The following ATP6V1E2 variants were observed in gnomAD, a reference collection of about 807,000 sequenced individuals.
ATP6V1E2 encodes V-type proton ATPase subunit E 2.
For synonymous variants in ATP6V1E2, 121 were observed against 104.2 expected (o/e 1.16, Z -0.98); for missense variants, 308 against 273.3 (o/e 1.13, Z -0.90).
intron 4 of ATP6V1E2, among the ~76,000 whole-genome samples, chr2:46,517,813 T>C (rs1370308299): frequency 1.3e-5 from 2 of 152,168 alleles, no homozygotes; most frequent in African/African-American, 4.8e-5. Flanking sequence ...CCTGACAGGA[T>C]GGTCATTATT....
intron 2 of ATP6V1E2, among the ~76,000 whole-genome samples, chr2:46,538,688 C>A (rs1208065056): frequency 6.6e-6 from 1 of 151,994 alleles, no homozygotes. Flanking sequence ...TGCACTTTAG[C>A]TATATTTCCT....
Position 46,535,310 on chromosome 2 carries a change from A to G in ATP6V1E2, c.-102+503T>C, listed in dbSNP as rs1667391597. On this transcript the variant is annotated intron_variant, in intron 4 of 4. Transcript: ENST00000522587. The surrounding 1 kb of genome is among the most constrained non-coding windows in gnomAD (Gnocchi z 4.4). ...AGAGGTGGAAATCTCTACTCCCTCTACATGAAGCACATTAATAAAGTGATC... is the reference window on the plus strand; with the variant it reads ...AGAGGTGGAAATCTCTACTCCCTCTGCATGAAGCACATTAATAAAGTGATC... The G allele has an allele frequency of 6.6e-6, 1 of 152,190 alleles. No individual in the cohort carries two copies. Among genetic ancestry groups the G allele is most frequent in the African/African-American group, 2.4e-5 (1 of 41,436 alleles). 9.4% of individuals were successfully genotyped at this position (152,190 alleles called of 1,614,324 possible). A position where few individuals can be genotyped will look rare whatever the true frequency, so the allele number is the denominator to read the frequency against.
At position 46,512,514 on chromosome 2, in the gene ATP6V1E2, C is replaced by T; in HGVS notation, c.198G>A (p.Gln66=). Residue 66 remains glutamine, a synonymous_variant, in exon 5 of 5, where the codon CAG becomes CAA. Coordinates refer to ENST00000522587, the MANE Select transcript of ATP6V1E2 (RefSeq NM_001318063.2). ...YYEKKEKQIE[Q]QKKILMSTMR... is the part of the protein sequence containing the mutation. Reference sequence around the variant, plus strand: ...TGGTGGACATCAGGATTTTCTTCTGCTGCTCTATCTGCTTCTCCTTTTTCT... The same window carrying T: ...TGGTGGACATCAGGATTTTCTTCTGTTGCTCTATCTGCTTCTCCTTTTTCT... The T allele has an allele frequency of 6.2e-7, 1 of 1,614,208 alleles. No homozygotes were observed. The highest frequency in any genetic ancestry group is 1.1e-5 in the South Asian group (1 of 91,088).
At chr2:46,526,320 A>G (rs574958520) in intron 4 of ATP6V1E2, among the ~76,000 whole-genome samples, 1 of 152,170 alleles carries the variant, frequency 6.6e-6, no homozygotes, top group South Asian at 2.1e-4. Flanking sequence ...TCACCATGTT[A>G]GCCAGACTGG....
At chr2:46,536,908 G>A (rs1267299687) in intron 2 of ATP6V1E2, among the ~76,000 whole-genome samples, 4 of 151,750 alleles carry the variant, frequency 2.6e-5, no homozygotes, top group South Asian at 2.1e-4. Context: ...TCAGCCTCCC[G>A]AGTAGCTGGG....
rs148464682 is a variant in ATP6V1E2, at chr2:46,516,046, CA to C, written c.-101-3235del. ...TATATGAAGCAAGCATTGACAGAACCAAAGGAAGAAATAGACAGCAATACAA... is the reference window on the plus strand; with the variant it reads ...TATATGAAGCAAGCATTGACAGAACCAAGGAAGAAATAGACAGCAATACAA... On this transcript the variant is annotated intron_variant, in intron 4 of 4. Coordinates refer to ENST00000522587, the MANE Select transcript of ATP6V1E2 (RefSeq NM_001318063.2). Among the ~76,000 whole-genome samples the C allele has an allele frequency of 7.9e-4, 120 of 152,170 alleles. 4 individuals carry two copies. In the East Asian group the frequency reaches 0.016, roughly 20 times the overall value.
intron 4 of ATP6V1E2, among the ~76,000 whole-genome samples, chr2:46,514,045 C>T (rs1403514419): frequency 6.6e-6 from 1 of 151,828 alleles, no homozygotes; most frequent in Non-Finnish European, 1.5e-5. Context: ...TTTGGGAGGC[C>T]GAGGTGGGTG....
Position 46,512,144 on chromosome 2 carries a change from T to C in ATP6V1E2, c.568A>G (p.Ile190Val), listed in dbSNP as rs1246988314. 1 of 1,614,206 alleles carries C rather than the reference T, an allele frequency of 6.2e-7. No homozygotes were observed. Among genetic ancestry groups the C allele is most frequent in the African/African-American group, 1.3e-5 (1 of 75,050 alleles). Residue 190 changes from isoleucine to valine, a missense_variant, in exon 5 of 5, where the codon ATA (isoleucine) becomes GTA (valine). By Grantham distance (29) the Ile-to-Val change is conservative (BLOSUM62 3). Transcript: ENST00000522587. The part of the protein sequence containing the change: ...GVEVYSGNQR[I>V]KVSNTLESRL... ...CTTTCCAAGGTATTTGAAACCTTTATTCTCTGATTGCCACTGTAGACCTCC... is the reference window on the plus strand; with the variant it reads ...CTTTCCAAGGTATTTGAAACCTTTACTCTCTGATTGCCACTGTAGACCTCC...
Position 46,530,862 on chromosome 2 carries a change from G to A in ATP6V1E2, c.-102+4951C>T, listed in dbSNP as rs889598510. On this transcript the variant is annotated intron_variant, in intron 4 of 4. Transcript: ENST00000522587. The surrounding 1 kb of genome is among the most constrained non-coding windows in gnomAD (Gnocchi z 5.2). The stretch of plus-strand genomic sequence containing the variant: ...CAGATCTCATGAGACTTATTCACTA[G>A]CGCAAGAACAGCACAGGAAAAACCC... Among the ~76,000 whole-genome samples the A allele has an allele frequency of 6.6e-5, 10 of 152,256 alleles. No homozygotes were observed. Among genetic ancestry groups the A allele is most frequent in the African/African-American group, 2.4e-4 (10 of 41,536 alleles).
chr2:46,526,925 C>T (rs1666950800), intron 4 of ATP6V1E2, among the ~76,000 whole-genome samples: 1 of 152,196 alleles, frequency 6.6e-6, no homozygotes, highest in South Asian at 2.1e-4. Context: ...TATAGTAGTT[C>T]TAAGCTCAGT....
intron 3 of ATP6V1E2, among the ~76,000 whole-genome samples, 167 bp downstream of exon 3, chr2:46,536,443 TA>T (rs1406178675): frequency 4.6e-5 from 7 of 151,992 alleles, no homozygotes; most frequent in African/African-American, 7.3e-5. Context: ...AAAATAGGGA[TA>T]GGGGTAGGTA....
At chr2:46,524,845 AG>A (rs1378855176) in intron 4 of ATP6V1E2, among the ~76,000 whole-genome samples, 1 of 152,214 alleles carries the variant, frequency 6.6e-6, no homozygotes, top group African/African-American at 2.4e-5. Context: ...GACAATGTCT[AG>A]AAAGACACTG....
intron 4 of ATP6V1E2, among the ~76,000 whole-genome samples, chr2:46,513,564 G>A (rs557261642): frequency 1.9e-3 from 288 of 152,260 alleles, no homozygotes; most frequent in Non-Finnish European, 3.2e-3. Flanking sequence ...AGTGGCTCAC[G>A]CCTGTAATCC....
intron 4 of ATP6V1E2, among the ~76,000 whole-genome samples, chr2:46,526,965 C>A (rs1247117789): frequency 6.6e-6 from 1 of 152,186 alleles, no homozygotes; most frequent in Non-Finnish European, 1.5e-5. Context: ...CCATTTTCCC[C>A]GGCAGCCGCA....
chr2:46,512,040 G>C lies in ATP6V1E2; in HGVS notation c.672C>G (p.Phe224Leu). Residue 224 changes from phenylalanine (F) to leucine (L), a missense_variant, in exon 5 of 5, where the codon TTC becomes TTG. Coordinates refer to ENST00000522587, the MANE Select transcript of ATP6V1E2 (RefSeq NM_001318063.2). ...ALFGANTNRK[F>L]FI ...TTCACTTCCCAGAGGCTTATATAAA[G>C]AACTTTCTGTTGGTGTTAGCACCAA... The C allele has an allele frequency of 1.9e-6, 3 of 1,590,814 alleles. No individual in the cohort carries two copies. The highest frequency in any genetic ancestry group is 1.7e-6 in the Non-Finnish European group (2 of 1,169,980).
rs1469677207 is a variant in ATP6V1E2 at position 46,512,677 on chromosome 2, A to G, written c.35T>C (p.Ile12Thr). The part of the protein sequence containing the change: ...ALSDVDVKKQ[I>T]KHMMAFIEQE... ...CTCAATGAAAGCCATCATGTGCTTA[A>G]TCTGCTTTTTCACATCGACATCACT... The change falls in exon 5 of 5, where the codon ATT becomes ACT. Residue 12 changes from isoleucine (I) to threonine (T), a missense_variant. Coordinates refer to ENST00000522587, the MANE Select transcript of ATP6V1E2 (RefSeq NM_001318063.2). The G allele has an allele frequency of 6.2e-7, 1 of 1,613,870 alleles. No individual in the cohort carries two copies. Among genetic ancestry groups the G allele is most frequent in the Non-Finnish European group, 8.5e-7 (1 of 1,179,974 alleles).
chr2:46,539,524 C>T (rs1431092826), intron 2 of ATP6V1E2, among the ~76,000 whole-genome samples: 2 of 152,260 alleles, frequency 1.3e-5, no homozygotes, highest in African/African-American at 4.8e-5. Flanking sequence ...CCTCAGTGGC[C>T]CCATTGGCCC....
chr2:46,514,806 C>A (rs573128596), intron 4 of ATP6V1E2, among the ~76,000 whole-genome samples: 1 of 152,000 alleles, frequency 6.6e-6, no homozygotes, highest in African/African-American at 2.4e-5. Flanking sequence ...AGAAGTCTAA[C>A]GGACTCCAAC....
At chr2:46,514,386 CCATAT>C (rs1558655180) in intron 4 of ATP6V1E2, among the ~76,000 whole-genome samples, 1 of 152,136 alleles carries the variant, frequency 6.6e-6, no homozygotes, top group Admixed American at 6.5e-5. Flanking sequence ...GTCTGGGAAG[CCATAT>C]CTTTAAAAGG....
Sources: allele counts gnomAD v4.1 joint callset (sites outside exome capture counted in the v4.1 genomes callset), GRCh38; gene constraint gnomAD v4.1.1; non-coding constraint Gnocchi (gnomAD v3.1); transcripts MANE v1.5; gene names NCBI Gene and HGNC (gene_info 2026-07-23, HGNC 2026-07-21).